Variants in BTC observed in about 807,000 individuals in gnomAD.
BTC encodes the protein betacellulin.
Under a neutral mutation model 18.1 loss-of-function variants are expected in BTC, and 13 were observed. The observed-to-expected ratio is 0.72, with a 90% confidence interval of 0.47 to 1.14. The LOEUF (loss-of-function observed/expected upper bound fraction) is 1.14, where lower values mean the gene tolerates loss of function less well. Among genes scored for constraint, BTC ranks in the 50% most tolerant of loss-of-function variants. BTC has a pLI of 0.00. For synonymous variants in BTC, 83 were observed against 79.4 expected, an observed-to-expected ratio of 1.05 and a Z score of -0.24; for missense variants, 247 against 224.2, an observed-to-expected ratio of 1.10 and a Z score of -0.65.
At chr4:74,763,951 A>G (rs59420811) in intron 2 of BTC, among the ~76,000 whole-genome samples, 20,169 of 152,042 alleles carry the variant, frequency 0.13, 1,831 homozygotes, top group African/African-American at 0.25. Flanking sequence ...ATGTGTCAAA[A>G]CAGCCCACTG....
At chr4:74,778,362 G>A (rs148419676) in intron 1 of BTC, among the ~76,000 whole-genome samples, 121 of 152,264 alleles carry the variant, frequency 7.9e-4, no homozygotes, top group African/African-American at 2.5e-3. Flanking sequence ...CTAGAAAGCA[G>A]AACCTAATGT....
Position 74,781,937 on chromosome 4 carries a change from C to G in BTC, c.65-11781G>C, listed in dbSNP as rs370496372. Among the ~76,000 whole-genome samples the G allele has an allele frequency of 2.0e-3, 298 of 152,066 alleles. 1 individual carries two copies. The highest frequency in any genetic ancestry group is 6.8e-3 in the African/African-American group (284 of 41,480). ...GACTTTGTCTCAGTCACAGACATGA[C>G]CAAAAAAGTCAGTCATTTTCTTTTT... is the stretch of plus-strand genomic sequence containing the variant. On this transcript the variant is annotated intron_variant, in intron 1 of 5. Coordinates refer to ENST00000395743, the MANE Select transcript of BTC (RefSeq NM_001729.4).
chr4:74,780,146 T>C (rs1193229361), intron 1 of BTC, among the ~76,000 whole-genome samples: 1 of 152,144 alleles, frequency 6.6e-6, no homozygotes, highest in Admixed American at 6.5e-5. Flanking sequence ...TGTGTGACTA[T>C]GAAATAATTC....
intron 1 of BTC, among the ~76,000 whole-genome samples, chr4:74,792,750 A>G (rs1725667093): frequency 6.6e-6 from 1 of 151,894 alleles, no homozygotes; most frequent in Non-Finnish European, 1.5e-5. Context: ...CCTCTCTACT[A>G]TTGCAAACTC....
intron 1 of BTC, among the ~76,000 whole-genome samples, chr4:74,783,967 T>C (rs1725407082): frequency 6.6e-6 from 1 of 152,058 alleles, no homozygotes; most frequent in Non-Finnish European, 1.5e-5. Context: ...GCATGGTGGC[T>C]CACTCCTGTA....
chr4:74,773,082 C>T (rs1725087444), intron 1 of BTC, among the ~76,000 whole-genome samples: 1 of 152,210 alleles, frequency 6.6e-6, no homozygotes, highest in African/African-American at 2.4e-5. Context: ...TGCTCCTCTT[C>T]CTGCCCACCC....
chr4:74,770,557 C>T (rs763777089), intron 1 of BTC, among the ~76,000 whole-genome samples: 1 of 152,108 alleles, frequency 6.6e-6, no homozygotes, highest in Non-Finnish European at 1.5e-5. Context: ...AAAGAGCCAG[C>T]GTTCTCAGGT....
At position 74,794,379 on chromosome 4, in the gene BTC, G is replaced by A; in HGVS notation, c.-54C>T. On this transcript the variant is annotated 5_prime_UTR_variant, in exon 1 of 6. Transcript: ENST00000395743. ...CCTAGACAAGTCTCCCTCCTTCTTC[G>A]CCCCCTTCCCGGGCCTCGGGCGCCT... is the stretch of plus-strand genomic sequence containing the variant. 1 of 1,463,982 alleles carries A rather than the reference G, an allele frequency of 6.8e-7. No individual in the cohort carries two copies. Among genetic ancestry groups the A allele is most frequent in the Admixed American group, 2.5e-5 (1 of 39,238 alleles). The allele number at this position is 1,463,982 out of a possible 1,614,324, so 90.7% of individuals were successfully genotyped here.
intron 1 of BTC, among the ~76,000 whole-genome samples, chr4:74,789,716 C>T (rs1330456348): frequency 6.6e-6 from 1 of 152,164 alleles, no homozygotes; most frequent in African/African-American, 2.4e-5. Context: ...CAACTTTTGA[C>T]ATTGCATCAT....
chr4:74,746,123 T>A lies in BTC; in HGVS notation c.*554A>T, dbSNP rs1214961692. On this transcript the variant is annotated 3_prime_UTR_variant, in exon 6 of 6. Coordinates refer to ENST00000395743, the MANE Select transcript of BTC (RefSeq NM_001729.4). ...CAAAAATGATGGTTAAGAGCATAGATTTTGATTTAGATAAATCTTGATTTC... is the reference window on the plus strand; with the variant it reads ...CAAAAATGATGGTTAAGAGCATAGAATTTGATTTAGATAAATCTTGATTTC... The A allele has an allele frequency of 6.6e-6, 1 of 152,212 alleles. No individual in the cohort carries two copies. Among genetic ancestry groups the A allele is most frequent in the African/African-American group, 2.4e-5 (1 of 41,458 alleles). The allele number at this position is 152,212 out of a possible 1,614,324, so 9.4% of individuals were successfully genotyped here.
chr4:74,777,405 G>T (rs1725205541), intron 1 of BTC, among the ~76,000 whole-genome samples: 1 of 152,044 alleles, frequency 6.6e-6, no homozygotes, highest in South Asian at 2.1e-4. Context: ...AATTACCCTG[G>T]TAAAAAACTA....
chr4:74,771,351 T>C (rs188754458), intron 1 of BTC, among the ~76,000 whole-genome samples: 1 of 152,326 alleles, frequency 6.6e-6, no homozygotes, highest in East Asian at 1.9e-4. Flanking sequence ...TAAAGTAGCC[T>C]GTCCACCAGT....
chr4:74,758,857 C>T (rs1724674134), intron 2 of BTC, among the ~76,000 whole-genome samples: 1 of 152,080 alleles, frequency 6.6e-6, no homozygotes, highest in Non-Finnish European at 1.5e-5. Context: ...ATTTCCATGC[C>T]ACCAGGCAGA....
chr4:74,782,475 A>G (rs1464484639), intron 1 of BTC, among the ~76,000 whole-genome samples: 2 of 152,122 alleles, frequency 1.3e-5, no homozygotes, highest in Non-Finnish European at 1.5e-5. Flanking sequence ...TTGTATATGT[A>G]CCACATTTTA....
At chr4:74,784,394 CT>C (rs1479332614) in intron 1 of BTC, among the ~76,000 whole-genome samples, 1 of 152,124 alleles carries the variant, frequency 6.6e-6, no homozygotes, top group Non-Finnish European at 1.5e-5. Context: ...GATAATTCAA[CT>C]TCCTCTCTTC....
intron 1 of BTC, among the ~76,000 whole-genome samples, chr4:74,773,640 C>G (rs943131039): frequency 2.0e-5 from 3 of 149,550 alleles, no homozygotes; most frequent in Admixed American, 1.3e-4. Context: ...TAGACAGAGT[C>G]TCACTCTGTT....
chr4:74,782,549 G>T (rs113326362), intron 1 of BTC, among the ~76,000 whole-genome samples: 1 of 152,008 alleles, frequency 6.6e-6, no homozygotes, highest in Non-Finnish European at 1.5e-5. Flanking sequence ...TGTGAATACC[G>T]CGCACTGAAC....
chr4:74,767,673 C>T (rs893550251), intron 2 of BTC, among the ~76,000 whole-genome samples: 1 of 151,992 alleles, frequency 6.6e-6, no homozygotes, highest in Non-Finnish European at 1.5e-5. Flanking sequence ...TTTAAATCAT[C>T]TACAGCATGG....
chr4:74,784,855 T>C (rs1397183989), intron 1 of BTC, among the ~76,000 whole-genome samples: 2 of 152,250 alleles, frequency 1.3e-5, no homozygotes, highest in African/African-American at 4.8e-5. Context: ...TGCATCAACG[T>C]TCATCAAGGA....
Sources: gnomAD v4.1 joint callset for allele counts (sites outside exome capture counted in the v4.1 genomes callset) on GRCh38, gnomAD v4.1.1 for gene constraint, MANE v1.5 for transcripts, NCBI Gene and HGNC (gene_info 2026-07-23, HGNC 2026-07-21) for gene names.